Variants in MAST4 observed in about 807,000 individuals in gnomAD.
The protein encoded by MAST4 is microtubule associated serine/threonine kinase family member 4.
A neutral mutation model predicts 162.7 loss-of-function variants in MAST4; 89 were observed. That is an observed-to-expected ratio of 0.55 (90% CI 0.46 to 0.65). The LOEUF is 0.65. Among genes scored for constraint, MAST4 ranks in the 30% least tolerant of loss-of-function variants. The pLI is 0.00. For synonymous variants in MAST4, 1,479 were observed against 1,361.1 expected, an observed-to-expected ratio of 1.09 and a Z score of -1.91; for missense variants, 3,153 against 3,374.0, an observed-to-expected ratio of 0.93 and a Z score of 1.62.
At chr5:66,827,271 A>G (rs1757309355) in intron 3 of MAST4, among the ~76,000 whole-genome samples, 1 of 151,978 alleles carries the variant, frequency 6.6e-6, no homozygotes, top group African/African-American at 2.4e-5. Context: ...AGATGATATT[A>G]CTCCTCCACA....
rs1195753967 is a variant in MAST4 at position 66,753,423 on chromosome 5, AAGAG to A, written c.364-6282_364-6279del. 4.6e-4 allele frequency among the ~76,000 whole-genome samples: 70 copies of A among 151,702 alleles called. 1 individual carries two copies. The South Asian group carries it at 7.4e-3, about 16-fold the overall frequency. Reference sequence around the variant, plus strand: ...CGCTAGCAAGACTAATAAAGAAAAAAAGAGAGAAGAATCAAATAGACGCAATAAA... The same window carrying A: ...CGCTAGCAAGACTAATAAAGAAAAAAAGAAGAATCAAATAGACGCAATAAA... On this transcript the variant is annotated intron_variant, in intron 1 of 28. Transcript: ENST00000403625.
rs554862907 is a variant in MAST4, at chr5:67,101,285, C to T, written c.1070+693C>T. Among the ~76,000 whole-genome samples, 33 of 152,282 alleles carry T rather than the reference C, an allele frequency of 2.2e-4. 1 individual carries two copies. The highest frequency in any genetic ancestry group is 4.1e-4 in the South Asian group (2 of 4,830). On this transcript the variant is annotated intron_variant, in intron 8 of 28. Coordinates refer to ENST00000403625, the MANE Select transcript of MAST4 (RefSeq NM_001164664.2). Reference sequence around the variant, plus strand: ...GCCGACTCCATGGAGAGCTCGGGAACGACAGGACTCAGCAGAGTTGCTCCC... The same window carrying T: ...GCCGACTCCATGGAGAGCTCGGGAATGACAGGACTCAGCAGAGTTGCTCCC...
At chr5:66,879,762 C>T (rs1220574279) in intron 3 of MAST4, among the ~76,000 whole-genome samples, 1 of 152,242 alleles carries the variant, frequency 6.6e-6, no homozygotes, top group African/African-American at 2.4e-5. Flanking sequence ...ATTCACCAGC[C>T]TTGGCCTCCC....
intron 1 of MAST4, among the ~76,000 whole-genome samples, chr5:66,683,162 T>A (rs1053376172): frequency 6.6e-6 from 1 of 152,212 alleles, no homozygotes; most frequent in Admixed American, 6.5e-5. Context: ...CTCCTGTTAC[T>A]CTGAGGTCTC....
At chr5:67,069,244 T>C (rs1760608469) in intron 5 of MAST4, among the ~76,000 whole-genome samples, 1 of 148,182 alleles carries the variant, frequency 6.7e-6, no homozygotes, top group African/African-American at 2.5e-5. Flanking sequence ...AACAATTCTC[T>C]TAACTTGGCT....
chr5:67,090,429 CCCCCCT>C lies in MAST4; in HGVS notation c.833+209_833+214del, dbSNP rs1308069245. 4.5e-5 allele frequency among the ~76,000 whole-genome samples: 3 copies of C among 66,758 alleles called. No individual in the cohort carries two copies. The East Asian group carries it at 2.0e-3, about 44-fold the overall frequency. 43.8% of individuals were successfully genotyped at this position (66,758 alleles called of 152,430 possible). The stretch of plus-strand genomic sequence containing the variant: ...TCCCCACTTTTCCCCCATCTCACTT[CCCCCCT>C]CCCCCTCCCCGCTTCTCCCCCTCCC... On this transcript the variant is annotated intron_variant, in intron 6 of 28. Transcript: ENST00000403625.
At chr5:67,092,663 G>T (rs1193912701) in intron 6 of MAST4, among the ~76,000 whole-genome samples, 3 of 152,122 alleles carry the variant, frequency 2.0e-5, no homozygotes, top group African/African-American at 4.8e-5. Flanking sequence ...GAAACATAGA[G>T]CCCTCCAAGA....
intron 1 of MAST4, among the ~76,000 whole-genome samples, chr5:66,721,187 C>A (rs935587090): frequency 6.6e-6 from 1 of 152,178 alleles, no homozygotes; most frequent in African/African-American, 2.4e-5. Context: ...CTCTTGCCCC[C>A]ACTTTCTCAT....
At chr5:67,092,770 C>T (rs1764011179) in intron 6 of MAST4, among the ~76,000 whole-genome samples, 1 of 152,194 alleles carries the variant, frequency 6.6e-6, no homozygotes. Flanking sequence ...AACTTGCCTG[C>T]TGAGTTCAGG....
chr5:66,936,566 G>T (rs747947555), intron 4 of MAST4, among the ~76,000 whole-genome samples: 13 of 152,162 alleles, frequency 8.5e-5, no homozygotes, highest in Non-Finnish European at 1.8e-4. Context: ...CGGGTCACAA[G>T]GTACTCAGTG....
chr5:66,995,285 G>A (rs1750503814), intron 4 of MAST4, among the ~76,000 whole-genome samples: 1 of 152,188 alleles, frequency 6.6e-6, no homozygotes, highest in Non-Finnish European at 1.5e-5. Flanking sequence ...GAGTAAAAGT[G>A]TGTATTGTTT....
At chr5:66,657,110 G>A (rs1471320497) in intron 1 of MAST4, among the ~76,000 whole-genome samples, 1 of 152,142 alleles carries the variant, frequency 6.6e-6, no homozygotes. Context: ...CATTCCAGAG[G>A]TTTTATGAAT....
At chr5:67,122,544 C>T (rs887643280) in intron 14 of MAST4, among the ~76,000 whole-genome samples, 1 of 152,110 alleles carries the variant, frequency 6.6e-6, no homozygotes, top group Admixed American at 6.5e-5. Flanking sequence ...TTTCTACTTG[C>T]TTATCGTTTG....
chr5:67,161,643 C>T (rs749761569), intron 27 of MAST4, among the ~76,000 whole-genome samples: 4 of 152,042 alleles, frequency 2.6e-5, no homozygotes, highest in Non-Finnish European at 4.4e-5. Flanking sequence ...GAATACAAAG[C>T]GACTTCTTTG....
At chr5:66,709,572 C>G (rs1750363273) in intron 1 of MAST4, among the ~76,000 whole-genome samples, 1 of 152,080 alleles carries the variant, frequency 6.6e-6, no homozygotes, top group Non-Finnish European at 1.5e-5. Context: ...CCATCTCGGC[C>G]TCCCAAAGTG....
intron 2 of MAST4, among the ~76,000 whole-genome samples, chr5:66,769,989 C>T (rs770843143): frequency 2.0e-5 from 3 of 152,194 alleles, no homozygotes; most frequent in Non-Finnish European, 4.4e-5. Context: ...AATTGCTATG[C>T]TGAAGGCACA....
At chr5:66,772,839 G>A (rs1467932736) in intron 2 of MAST4, among the ~76,000 whole-genome samples, 2 of 152,156 alleles carry the variant, frequency 1.3e-5, no homozygotes, top group Non-Finnish European at 2.9e-5. Context: ...AGGTCCCTTT[G>A]AGTTGAGTAG....
chr5:66,614,160 C>G (rs1743485085), intron 1 of MAST4, among the ~76,000 whole-genome samples: 1 of 152,210 alleles, frequency 6.6e-6, no homozygotes, highest in Admixed American at 6.5e-5. Context: ...ACCCTACTTA[C>G]TTTTCCCTGG....
intron 18 of MAST4, among the ~76,000 whole-genome samples, chr5:67,135,360 A>C (rs994329073): frequency 6.6e-6 from 1 of 152,110 alleles, no homozygotes; most frequent in South Asian, 2.1e-4. Flanking sequence ...GTGTATCACT[A>C]CCCTACCTGC....
Sources: allele counts gnomAD v4.1 joint callset (sites outside exome capture counted in the v4.1 genomes callset), GRCh38; gene constraint gnomAD v4.1.1; transcripts MANE v1.5; gene names NCBI Gene and HGNC (gene_info 2026-07-23, HGNC 2026-07-21).